The following INTS1 variants were observed in gnomAD, a reference collection of about 807,000 sequenced individuals.
The protein encoded by INTS1 is integrator complex subunit 1.
A neutral mutation model predicts 241.6 loss-of-function variants in INTS1; 137 were observed. The ratio of observed to expected loss-of-function variants is 0.57; its 90% CI spans 0.49 to 0.65. INTS1 has a LOEUF of 0.65. INTS1 is among the 30% of genes least tolerant of loss of function. The pLI is 0.00. For missense variants in INTS1, 3,073 were observed against 3,032.2 expected (o/e 1.01, Z -0.32); for synonymous variants, 1,692 against 1,337.8 (o/e 1.26, Z -5.78).
chr7:1,493,467 A>T lies in INTS1; in HGVS notation c.2068+287T>A, dbSNP rs558923841. On this transcript the variant is annotated intron_variant, in intron 15 of 47. Coordinates refer to ENST00000404767, the MANE Select transcript of INTS1 (RefSeq NM_001080453.3). This position sits in a 1 kb window ranked among gnomAD's most constrained non-coding sequence, Gnocchi z 5.3. ...CTACCTGTCGCCTAAAGGAGGTGAC[A>T]GACAGGAAATCTGGCCGTGGCCAAA... is the stretch of plus-strand genomic sequence containing the variant. Among the ~76,000 whole-genome samples the T allele has an allele frequency of 5.3e-5, 8 of 152,324 alleles. No individual in the cohort carries two copies. Among genetic ancestry groups the T allele is most frequent in the Non-Finnish European group, 1.0e-4 (7 of 68,024 alleles).
In INTS1 at chr7:1,480,246, G is replaced by A. The variant is rs1267978232; in HGVS notation, c.4074+71C>T. ...CGCAAGTAAAGGCCGCTGTGCGTGC[G>A]AGGCGGCAGCGAAGGCTGCACGCAG... On this transcript the variant is annotated intron_variant, in intron 30 of 47. Coordinates refer to ENST00000404767, the MANE Select transcript of INTS1 (RefSeq NM_001080453.3). 35 of 1,505,808 alleles carry A rather than the reference G, an allele frequency of 2.3e-5. No individual in the cohort carries two copies. The South Asian group carries it at 2.7e-4, about 12-fold the overall frequency. 93.3% of individuals were successfully genotyped at this position (1,505,808 alleles called of 1,614,324 possible).
chr7:1,492,908 C>T, intron 16 of INTS1, 102 bp downstream of exon 16: 2 of 675,732 alleles, frequency 3.0e-6, no homozygotes, highest in South Asian at 3.8e-5. Flanking sequence ...GCAGGCTTAC[C>T]CGGGCGGGAG....
chr7:1,492,624 C>CATT (rs58238171), intron 16 of INTS1, among the ~76,000 whole-genome samples: 81,694 of 151,944 alleles, frequency 0.54, 23,745 homozygotes, highest in African/African-American at 0.77. Flanking sequence ...AGCATAAACT[C>CATT]GTTGTGTAAA....
chr7:1,492,132 C>T (rs1423391493), intron 16 of INTS1, among the ~76,000 whole-genome samples: 2 of 152,186 alleles, frequency 1.3e-5, no homozygotes, highest in East Asian at 3.9e-4. Context: ...CTCCTAGCCA[C>T]CTGCTCAAGA....
Position 1,479,671 on chromosome 7 carries a change from C to G in INTS1, c.4088G>C (p.Ser1363Thr), listed in dbSNP as rs1781899277. The change falls in exon 31 of 48, where the codon AGC becomes ACC. Residue 1363 changes from serine (S) to threonine (T), a missense_variant. Coordinates refer to ENST00000404767, the MANE Select transcript of INTS1 (RefSeq NM_001080453.3). ...GGAGCTCTGCCACCGAGGGTCCGGG[C>G]TGAGCGGGAAAATCTGGAACGGGGA... ...AGMFLQIFPL[S>T]PDPRWQSSSP... 1 of 1,472,382 alleles carries G rather than the reference C, an allele frequency of 6.8e-7. No homozygotes were observed. The highest frequency in any genetic ancestry group is 1.4e-5 in the African/African-American group (1 of 70,298). 91.2% of individuals were successfully genotyped at this position (1,472,382 alleles called of 1,614,324 possible). A position where few individuals can be genotyped will look rare whatever the true frequency, so the allele number is the denominator to read the frequency against.
At chr7:1,482,772 G>C (rs530816007) in intron 26 of INTS1, 65 bp from the exon 27 acceptor site, 1 of 1,572,254 alleles carries the variant, frequency 6.4e-7, no homozygotes. Context: ...AGCACCGCTG[G>C]TGCCAAGGCT....
intron 13 of INTS1, 26 bp downstream of exon 13, chr7:1,495,405 CAG>C: frequency 6.3e-7 from 1 of 1,594,756 alleles, no homozygotes; most frequent in Non-Finnish European, 8.5e-7. Flanking sequence ...GGGTGTGGGA[CAG>C]GGGCTGTACA....
intron 19 of INTS1, 36 bp downstream of exon 19, chr7:1,487,724 C>G (rs1169579533): frequency 6.2e-7 from 1 of 1,600,290 alleles, no homozygotes; most frequent in African/African-American, 1.3e-5. Context: ...CAGGTCCCGA[C>G]GGCAGGCGCA....
chr7:1,504,207 A>C, intron 1 of INTS1, 116 bp downstream of exon 1: 1 of 528,308 alleles, frequency 1.9e-6, no homozygotes, highest in Non-Finnish European at 3.3e-6. Context: ...GGCGACGCGG[A>C]CGCCGGGCTG....
intron 18 of INTS1, among the ~76,000 whole-genome samples, chr7:1,489,124 G>T (rs1348978235): frequency 1.3e-5 from 2 of 151,888 alleles, no homozygotes; most frequent in South Asian, 4.2e-4. Flanking sequence ...GCTGGCCTCC[G>T]TGATGCCGCC....
chr7:1,495,327 G>C, intron 13 of INTS1, 106 bp downstream of exon 13: 1 of 1,327,052 alleles, frequency 7.5e-7, no homozygotes. Context: ...TGCGGGGCCT[G>C]GCTTGTCCTG....
rs771992367 is a variant in INTS1 at position 1,470,531 on chromosome 7, G to A, written c.*46C>T. 2.6e-5 allele frequency: 37 copies of A among 1,413,310 alleles called. No individual in the cohort carries two copies. Among genetic ancestry groups the A allele is most frequent in the Middle Eastern group, 1.8e-4 (1 of 5,554 alleles). The allele number at this position is 1,413,310 out of a possible 1,614,324, so 87.5% of individuals were successfully genotyped here. A position where few individuals can be genotyped will look rare whatever the true frequency, so the allele number is the denominator to read the frequency against. On this transcript the variant is annotated 3_prime_UTR_variant, in exon 48 of 48. Coordinates refer to ENST00000404767, the MANE Select transcript of INTS1 (RefSeq NM_001080453.3). ...CTGGGCTTTGCCTCGAGGATCCCCG[G>A]GGACGGGACGGGCCGGGGCTTGGAG...
Position 1,487,115 on chromosome 7 carries a change from A to G in INTS1, c.2647-14T>C. 8 of 1,540,820 alleles carry G rather than the reference A, an allele frequency of 5.2e-6. No homozygotes were observed. Among genetic ancestry groups the G allele is most frequent in the Non-Finnish European group, 6.1e-6 (7 of 1,146,458 alleles). On this transcript the variant is annotated splice_polypyrimidine_tract_variant and intron_variant, in intron 20 of 47. Coordinates refer to ENST00000404767, the MANE Select transcript of INTS1 (RefSeq NM_001080453.3). ...CTGCGAGGAGGCCTGGGCAGGCGAC[A>G]GTGGCGCCCGCTCAGCACCTTCCAG...
At chr7:1,488,396 C>G (rs1782383659) in intron 18 of INTS1, among the ~76,000 whole-genome samples, 2 of 152,158 alleles carry the variant, frequency 1.3e-5, no homozygotes, top group East Asian at 3.9e-4. Context: ...GTTCCAAAAC[C>G]CAGCTCCCCA....
rs751091052 is a variant in INTS1 at position 1,489,564 on chromosome 7, C to A, written c.2257+27G>T. 1.9e-6 allele frequency: 3 copies of A among 1,547,244 alleles called. No homozygotes were observed. The Admixed American group carries it at 5.7e-5, about 29-fold the overall frequency. ...ATAAGGACCAGCAGGGCCACGTGTG[C>A]GCATGGGGCGGCCAGCAGAGGCTCA... On this transcript the variant is annotated intron_variant, in intron 17 of 47. Transcript: ENST00000404767.
At position 1,493,199 on chromosome 7, in the gene INTS1, G is replaced by A. The variant is rs548312764; in HGVS notation, c.2069-93C>T. 9.0e-4 allele frequency: 862 copies of A among 956,512 alleles called. 9 individuals are homozygous for A. The African/African-American group carries it at 0.013, about 14-fold the overall frequency. The allele number at this position is 956,512 out of a possible 1,614,324, so 59.3% of individuals were successfully genotyped here. ...ACCGGCCCTGCTCGGGCCGCGTCGG[G>A]GTGGGGTGGGGGATGCCGCAGGGTG... On this transcript the variant is annotated intron_variant, in intron 15 of 47. Coordinates refer to ENST00000404767, the MANE Select transcript of INTS1 (RefSeq NM_001080453.3). This position sits in a 1 kb window ranked among gnomAD's most constrained non-coding sequence, Gnocchi z 5.3.
At chr7:1,483,147 C>G (rs1481961103) in intron 26 of INTS1, 1 of 211,022 alleles carries the variant, frequency 4.7e-6, no homozygotes, top group East Asian at 1.2e-4. Context: ...GGGGTCACCA[C>G]CCACCCACGT....
rs1782017593 is a variant in INTS1, at chr7:1,481,906, C to T, written c.3704-418G>A. On this transcript the variant is annotated intron_variant, in intron 27 of 47. Coordinates refer to ENST00000404767, the MANE Select transcript of INTS1 (RefSeq NM_001080453.3). This position sits in a 1 kb window ranked among gnomAD's most constrained non-coding sequence, Gnocchi z 6.8. Reference sequence around the variant, plus strand: ...CCATCCCCAGGGGTGGGTGGGCGCTCCAGAGGGCCTATGGTGGCACGGCGC... The same window carrying T: ...CCATCCCCAGGGGTGGGTGGGCGCTTCAGAGGGCCTATGGTGGCACGGCGC... Among the ~76,000 whole-genome samples the T allele has an allele frequency of 6.6e-6, 1 of 152,166 alleles. No individual in the cohort carries two copies. The highest frequency in any genetic ancestry group is 2.1e-4 in the South Asian group (1 of 4,830).
intron 18 of INTS1, 105 bp downstream of exon 18, chr7:1,489,239 G>T (rs1342733904): frequency 2.5e-6 from 2 of 809,478 alleles, no homozygotes; most frequent in East Asian, 2.7e-5. Flanking sequence ...ATGCTAAGAT[G>T]CTGATGCAGC....
Sources: gnomAD v4.1 joint callset for allele counts (sites outside exome capture counted in the v4.1 genomes callset) on GRCh38, gnomAD v4.1.1 for gene constraint, Gnocchi (gnomAD v3.1) non-coding constraint, MANE v1.5 for transcripts, NCBI Gene and HGNC (gene_info 2026-07-23, HGNC 2026-07-21) for gene names.